Variants in SRSF10 observed in about 807,000 individuals in gnomAD.
SRSF10 encodes the protein serine/arginine-rich splicing factor 10.
SRSF10 carries 9 observed loss-of-function variants against 32.6 expected under a neutral mutation model. The ratio of observed to expected loss-of-function variants is 0.28; its 90% CI spans 0.17 to 0.48. The LOEUF (loss-of-function observed/expected upper bound fraction) is 0.48. Among genes scored for constraint, SRSF10 ranks in the 20% least tolerant of loss-of-function variants. The pLI is 0.99. For missense variants in SRSF10, 201 were observed against 331.8 expected (o/e 0.61, Z 3.06); for synonymous variants, 105 against 112.4 (o/e 0.93, Z 0.42).
chr1:23,979,691 C>T (rs1318291078), intron 1 of SRSF10, among the ~76,000 whole-genome samples: 2 of 152,196 alleles, frequency 1.3e-5, no homozygotes, highest in African/African-American at 2.4e-5. Flanking sequence ...CTCCAAACAC[C>T]TCCAACTGAT....
In SRSF10 at chr1:23,964,468, G is replaced by A. The variant is rs972298867; in HGVS notation, c.*6674C>T. 3.3e-5 allele frequency among the ~76,000 whole-genome samples: 5 copies of A among 152,140 alleles called. No homozygotes were observed. Among genetic ancestry groups the A allele is most frequent in the Admixed American group, 6.5e-5 (1 of 15,294 alleles). ...AGAGAACTTACCATGTAAGGCTGCT[G>A]AAGTCAGCCATACTGTGAACCTTAG... On this transcript the variant is annotated 3_prime_UTR_variant, in exon 6 of 6. Transcript: ENST00000492112.
At chr1:23,977,004 GC>G (rs1642134089) in intron 2 of SRSF10, 1 of 151,936 alleles carries the variant, frequency 6.6e-6, no homozygotes, top group African/African-American at 2.4e-5. Flanking sequence ...TGATTCCTCG[GC>G]CACCCAACAC....
rs1641709798 is a variant in SRSF10, at chr1:23,970,758, T to C, written c.*384A>G. ...TGGCTACTACTTCACTTTTGTATCA[T>C]TCTATCTTATTAGCAAGCTACATTT... On this transcript the variant is annotated 3_prime_UTR_variant, in exon 6 of 6. Transcript: ENST00000492112. 8.8e-6 allele frequency: 9 copies of C among 1,021,006 alleles called. No homozygotes were observed. In the South Asian group the frequency reaches 1.9e-4, roughly 22 times the overall value. 63.2% of individuals were successfully genotyped at this position (1,021,006 alleles called of 1,614,324 possible). A position where few individuals can be genotyped will look rare whatever the true frequency, so the allele number is the denominator to read the frequency against.
intron 4 of SRSF10, 50 bp from the exon 5 acceptor site, chr1:23,971,676 A>G (rs1641763930): frequency 6.3e-7 from 1 of 1,582,310 alleles, no homozygotes; most frequent in South Asian, 1.2e-5. Flanking sequence ...TCATAGAGGC[A>G]AAGTTTCTAA....
chr1:23,970,726 T>C lies in SRSF10; in HGVS notation c.*416A>G. On this transcript the variant is annotated 3_prime_UTR_variant, in exon 6 of 6. Coordinates refer to ENST00000492112, the MANE Select transcript of SRSF10 (RefSeq NM_054016.4). Reference sequence around the variant, plus strand: ...CTAAATGTGTCTGAGCAGTCAGTGTTGTACTGTGGCTACTACTTCACTTTT... The same window carrying C: ...CTAAATGTGTCTGAGCAGTCAGTGTCGTACTGTGGCTACTACTTCACTTTT... 1 of 1,005,020 alleles carries C rather than the reference T, an allele frequency of 1.0e-6. No homozygotes were observed. Among genetic ancestry groups the C allele is most frequent in the Non-Finnish European group, 1.2e-6 (1 of 842,550 alleles). 62.3% of individuals were successfully genotyped at this position (1,005,020 alleles called of 1,614,324 possible). A position where few individuals can be genotyped will look rare whatever the true frequency, so the allele number is the denominator to read the frequency against.
intron 2 of SRSF10, chr1:23,977,316 C>T (rs1642153395): frequency 6.6e-6 from 1 of 152,186 alleles, no homozygotes; most frequent in Admixed American, 6.5e-5. Context: ...AGTAAGGTCA[C>T]CTGAAACTCT....
intron 1 of SRSF10, 71 bp downstream of exon 1, chr1:23,980,120 C>T (rs2148516126): frequency 2.1e-6 from 3 of 1,463,138 alleles, no homozygotes; most frequent in East Asian, 5.7e-5. Context: ...CCCAGTGCCG[C>T]CACCACCAGG....
In SRSF10 at chr1:23,971,187, T is replaced by C. The variant is rs1641735119; in HGVS notation, c.744A>G (p.Lys248=). 2 of 1,613,204 alleles carry C rather than the reference T, an allele frequency of 1.2e-6. No homozygotes were observed. Among genetic ancestry groups the C allele is most frequent in the Non-Finnish European group, 8.5e-7 (1 of 1,179,948 alleles). Reference sequence around the variant, plus strand: ...GACTAGTCCAAGACCTTGATCTAGATTTTGACCTAGACCTAGACTGTGATC... The same window carrying C: ...GACTAGTCCAAGACCTTGATCTAGACTTTGACCTAGACCTAGACTGTGATC... ...QSRSQSRSRS[K]SRSRSWTSPK... Residue 248 remains lysine (K), a synonymous_variant, in exon 6 of 6, where the codon AAA becomes AAG. Transcript: ENST00000492112.
chr1:23,974,978 T>A lies in SRSF10; in HGVS notation c.270A>T (p.Arg90=). 6.2e-7 allele frequency: 1 copy of A among 1,612,148 alleles called. No homozygotes were observed. Among genetic ancestry groups the A allele is most frequent in the Non-Finnish European group, 8.5e-7 (1 of 1,178,242 alleles). The part of the protein sequence containing the change: ...QIEIQFAQGD[R]KTPNQMKAKE... ...ATCAGGCATAAGGGTACTTACTCTT[T>A]CGATCCCCCTGGGCAAACTGTATTT... Residue 90 remains arginine (R), a synonymous_variant, in exon 3 of 6, where the codon CGA becomes CGT. Coordinates refer to ENST00000492112, the MANE Select transcript of SRSF10 (RefSeq NM_054016.4).
At chr1:23,972,707 G>T (rs1641842771) in intron 3 of SRSF10, among the ~76,000 whole-genome samples, 1 of 150,744 alleles carries the variant, frequency 6.6e-6, no homozygotes, top group Non-Finnish European at 1.5e-5. Flanking sequence ...CTCCCGAAGT[G>T]CTAGGATTAC....
Position 23,967,611 on chromosome 1 carries a change from C to G in SRSF10, c.*3531G>C. The G allele has an allele frequency of 9.5e-7, 1 of 1,051,872 alleles. No individual in the cohort carries two copies. Among genetic ancestry groups the G allele is most frequent in the East Asian group, 2.4e-5 (1 of 42,156 alleles). 65.2% of individuals were successfully genotyped at this position (1,051,872 alleles called of 1,614,324 possible). On this transcript the variant is annotated 3_prime_UTR_variant, in exon 6 of 6. Transcript: ENST00000492112. ...TACAGTATTCATACTGCAGCACCTT[C>G]CACCCACCCTTTGGTCGCTTGAACT... is the stretch of plus-strand genomic sequence containing the variant.
Position 23,968,205 on chromosome 1 carries a change from T to C in SRSF10, c.*2937A>G, listed in dbSNP as rs1641551641. ...GGGTTCAACTGTAATATAGTCCTTT[T>C]GAAGCTGTTAGGTGTGTCGCTTTAG... On this transcript the variant is annotated 3_prime_UTR_variant, in exon 6 of 6. Coordinates refer to ENST00000492112, the MANE Select transcript of SRSF10 (RefSeq NM_054016.4). Among the ~76,000 whole-genome samples the C allele has an allele frequency of 6.6e-6, 1 of 152,182 alleles. No homozygotes were observed. The highest frequency in any genetic ancestry group is 1.9e-4 in the East Asian group (1 of 5,202).
chr1:23,979,064 T>G (rs867769276), intron 1 of SRSF10: 11,862 of 224,832 alleles, frequency 0.053, 852 homozygotes, highest in African/African-American at 0.18. Context: ...CTTGTTTTTT[T>G]TTTTTTTTTT....
Position 23,966,245 on chromosome 1 carries a change from T to A in SRSF10, c.*4897A>T, listed in dbSNP as rs1246289235. 1 of 151,810 alleles carries A rather than the reference T, an allele frequency of 6.6e-6. No homozygotes were observed. The highest frequency in any genetic ancestry group is 2.4e-5 in the African/African-American group (1 of 41,394). The allele number at this position is 151,810 out of a possible 1,614,324, so 9.4% of individuals were successfully genotyped here. A position where few individuals can be genotyped will look rare whatever the true frequency, so the allele number is the denominator to read the frequency against. On this transcript the variant is annotated 3_prime_UTR_variant, in exon 6 of 6. Transcript: ENST00000492112. ...AACAATAATACCTCCATTTCACACC[T>A]CCCTTGAAAATATACCTCTGCTATA...
intron 2 of SRSF10, 137 bp from the exon 3 acceptor site, chr1:23,975,214 G>T: frequency 1.4e-6 from 1 of 690,886 alleles, no homozygotes; most frequent in Non-Finnish European, 2.6e-6. Flanking sequence ...ACTAGTTGGT[G>T]ATTCAGTTGG....
chr1:23,978,368 T>C, intron 2 of SRSF10: 1 of 935,468 alleles, frequency 1.1e-6, no homozygotes, highest in Non-Finnish European at 1.3e-6. Context: ...TGATTCAAAT[T>C]AACAAACAAG....
intron 1 of SRSF10, 74 bp from the exon 2 acceptor site, chr1:23,978,891 T>C: frequency 1.5e-6 from 2 of 1,338,558 alleles, no homozygotes; most frequent in Non-Finnish European, 2.0e-6. Context: ...ATCTTTTTGA[T>C]GAAGGAAAGC....
chr1:23,977,786 A>G, intron 2 of SRSF10: 1 of 527,692 alleles, frequency 1.9e-6, no homozygotes, highest in Non-Finnish European at 2.4e-6. Flanking sequence ...CAATCACAAC[A>G]TCAAAGGCCC....
intron 1 of SRSF10, chr1:23,979,072 T>TG (rs1205515665): frequency 4.4e-6 from 1 of 225,982 alleles, no homozygotes; most frequent in Non-Finnish European, 8.5e-6. Context: ...TTTTTTTTTT[T>TG]TTACTTTTAC....
Sources: allele counts gnomAD v4.1 joint callset (sites outside exome capture counted in the v4.1 genomes callset), GRCh38; gene constraint gnomAD v4.1.1; transcripts MANE v1.5; gene names NCBI Gene and HGNC (gene_info 2026-07-23, HGNC 2026-07-21).